AFG2A: variants seen among roughly 807,000 people sequenced by gnomAD.
The protein encoded by AFG2A is AAA ATPase AFG2A, also known as ATPase family gene 2 protein homolog A.
chr4:122,979,305 G>A, the AFG2A span: 10 of 1,614,244 alleles, frequency 6.2e-6, no homozygotes, highest in Non-Finnish European at 8.5e-6. Flanking sequence ...GACTGGTGAA[G>A]ATTACTCTGA....
At chr4:123,163,400 C>G in the AFG2A span, among the ~76,000 whole-genome samples, 1 of 152,154 alleles carries the variant, frequency 6.6e-6, no homozygotes, top group Non-Finnish European at 1.5e-5. Context: ...TGAGATTGCA[C>G]GGCTGCATTC....
At chr4:123,027,388 T>C in the AFG2A span, among the ~76,000 whole-genome samples, 1 of 152,200 alleles carries the variant, frequency 6.6e-6, no homozygotes, top group East Asian at 1.9e-4. Flanking sequence ...TCTGTCACTT[T>C]TTGGCCTGTA....
the AFG2A span, among the ~76,000 whole-genome samples, chr4:123,196,661 C>G: frequency 0.056 from 8,572 of 152,080 alleles, 409 homozygotes; most frequent in African/African-American, 0.13. Context: ...TGATCAGATG[C>G]AACTAGGTAT....
chr4:123,110,671 T>A, the AFG2A span, among the ~76,000 whole-genome samples: 15,831 of 152,246 alleles, frequency 0.1, 930 homozygotes, highest in Middle Eastern at 0.2. Context: ...CCACTTTTAT[T>A]TGAGCACATG....
the AFG2A span, among the ~76,000 whole-genome samples, chr4:123,144,735 T>G: frequency 2.6e-5 from 4 of 152,138 alleles, no homozygotes; most frequent in Admixed American, 2.0e-4. Context: ...ATAGGAAAAG[T>G]GACCTCAAAG....
the AFG2A span, among the ~76,000 whole-genome samples, chr4:123,286,606 A>G: frequency 6.6e-6 from 1 of 152,182 alleles, no homozygotes; most frequent in Non-Finnish European, 1.5e-5. Flanking sequence ...CAAAACCTTT[A>G]TCCTCTATCT....
At chr4:123,224,935 T>A in the AFG2A span, among the ~76,000 whole-genome samples, 1 of 152,212 alleles carries the variant, frequency 6.6e-6, no homozygotes, top group Non-Finnish European at 1.5e-5. Context: ...TCATTGTGGT[T>A]TTGATTTGCA....
At chr4:123,185,801 TA>T in the AFG2A span, among the ~76,000 whole-genome samples, 1 of 151,978 alleles carries the variant, frequency 6.6e-6, no homozygotes, top group Non-Finnish European at 1.5e-5. Context: ...ATGGGGGCTT[TA>T]AAAAGTTACT....
the AFG2A span, among the ~76,000 whole-genome samples, chr4:123,043,332 G>A: frequency 2.0e-4 from 30 of 152,156 alleles, no homozygotes; most frequent in Middle Eastern, 3.4e-3. Flanking sequence ...GCATCTTGAT[G>A]TAGTTTCCTT....
chr4:123,133,023 G>A, the AFG2A span, among the ~76,000 whole-genome samples: 23,093 of 152,002 alleles, frequency 0.15, 2,146 homozygotes, highest in East Asian at 0.45. Flanking sequence ...CTCATGATCC[G>A]CCCGCCTAGG....
At chr4:123,189,744 A>G in the AFG2A span, among the ~76,000 whole-genome samples, 23 of 150,528 alleles carry the variant, frequency 1.5e-4, no homozygotes, top group Admixed American at 9.9e-4. Flanking sequence ...CCACTTTTGC[A>G]TAGATTAATT....
the AFG2A span, among the ~76,000 whole-genome samples, chr4:123,223,078 T>C: frequency 6.6e-6 from 1 of 152,206 alleles, no homozygotes; most frequent in Non-Finnish European, 1.5e-5. Context: ...TGGATTAATA[T>C]GGTAATTCTA....
chr4:123,239,992 G>A, the AFG2A span, among the ~76,000 whole-genome samples: 1 of 152,254 alleles, frequency 6.6e-6, no homozygotes, highest in African/African-American at 2.4e-5. Flanking sequence ...GATCTCACAA[G>A]CAAAAGGAAA....
chr4:123,093,668 G>A, the AFG2A span, among the ~76,000 whole-genome samples: 1 of 152,166 alleles, frequency 6.6e-6, no homozygotes, highest in African/African-American at 2.4e-5. Flanking sequence ...ATGGGCACAG[G>A]TCTATCTTCT....
the AFG2A span, among the ~76,000 whole-genome samples, chr4:123,130,387 A>G: frequency 6.6e-6 from 1 of 152,076 alleles, no homozygotes; most frequent in East Asian, 1.9e-4. Context: ...AAAACAATTT[A>G]TTTACTCCAA....
chr4:123,243,964 G>A, the AFG2A span, among the ~76,000 whole-genome samples: 1 of 152,146 alleles, frequency 6.6e-6, no homozygotes, highest in Non-Finnish European at 1.5e-5. Flanking sequence ...CAAGTCTGTA[G>A]TGAGCCATGA....
At chr4:123,105,963 AAAG>A in the AFG2A span, among the ~76,000 whole-genome samples, 2 of 152,208 alleles carry the variant, frequency 1.3e-5, no homozygotes. Context: ...TCCATCTTTA[AAAG>A]AAGTTCTACT....
At chr4:123,257,643 A>C in the AFG2A span, among the ~76,000 whole-genome samples, 1 of 152,206 alleles carries the variant, frequency 6.6e-6, no homozygotes. Context: ...AAATGAACAT[A>C]CAGTTATGGT....
the AFG2A span, among the ~76,000 whole-genome samples, chr4:123,169,358 C>A: frequency 1.3e-5 from 2 of 152,144 alleles, no homozygotes; most frequent in Admixed American, 1.3e-4. Flanking sequence ...TACCAACCTA[C>A]GGCATGCCTA....
Sources: gnomAD v4.1 joint callset for allele counts (sites outside exome capture counted in the v4.1 genomes callset) on GRCh38, gnomAD v4.1.1 for gene constraint, MANE v1.5 for transcripts, NCBI Gene and HGNC (gene_info 2026-07-23, HGNC 2026-07-21) for gene names.